Variants in KAT2B observed in about 807,000 individuals in gnomAD.
The protein encoded by KAT2B is histone acetyltransferase KAT2B.
A neutral mutation model predicts 105.9 loss-of-function variants in KAT2B; 36 were observed. The ratio of observed to expected loss-of-function variants is 0.34; its 90% confidence interval spans 0.26 to 0.45. KAT2B has a LOEUF of 0.45. Ranked by LOEUF, KAT2B falls within the 20% of genes least tolerant of loss-of-function variation. The pLI, the probability that KAT2B is intolerant of heterozygous loss-of-function variation, is 1.00. For synonymous variants in KAT2B, 397 were observed against 377.9 expected (o/e 1.05, Z -0.59); for missense variants, 820 against 1,021.6 (o/e 0.80, Z 2.69).
intron 5 of KAT2B, among the ~76,000 whole-genome samples, chr3:20,110,205 GC>G (rs1333387170): frequency 5.3e-5 from 8 of 152,138 alleles, no homozygotes; most frequent in Non-Finnish European, 1.2e-4. Context: ...TTTTTGGAAG[GC>G]AGTCCTTTCC....
At chr3:20,057,799 A>G (rs753874278) in intron 1 of KAT2B, among the ~76,000 whole-genome samples, 4 of 152,170 alleles carry the variant, frequency 2.6e-5, no homozygotes, top group Non-Finnish European at 5.9e-5. Context: ...CTATTTGGTA[A>G]CAACTGGAGC....
intron 2 of KAT2B, among the ~76,000 whole-genome samples, chr3:20,080,049 C>T (rs1698492617): frequency 6.6e-6 from 1 of 152,128 alleles, no homozygotes; most frequent in African/African-American, 2.4e-5. Flanking sequence ...CTCATTATTC[C>T]TTGCCTGTGT....
chr3:20,096,048 G>C (rs1475983532), intron 3 of KAT2B, among the ~76,000 whole-genome samples: 3 of 152,178 alleles, frequency 2.0e-5, no homozygotes, highest in Non-Finnish European at 4.4e-5. Context: ...CGTGCACTAA[G>C]AGAGCTTGAA....
At chr3:20,131,089 C>G (rs762573361) in intron 11 of KAT2B, among the ~76,000 whole-genome samples, 9 of 145,980 alleles carry the variant, frequency 6.2e-5, no homozygotes, top group Non-Finnish European at 1.0e-4. Flanking sequence ...GATCTCGGCT[C>G]ACTGCAAACT....
chr3:20,081,192 T>C (rs1214570339), intron 2 of KAT2B, among the ~76,000 whole-genome samples: 1 of 152,238 alleles, frequency 6.6e-6, no homozygotes, highest in Non-Finnish European at 1.5e-5. Flanking sequence ...TATTGTGTTA[T>C]TTGCTTCTGG....
chr3:20,056,431 T>C (rs1202594588), intron 1 of KAT2B, among the ~76,000 whole-genome samples: 1 of 152,216 alleles, frequency 6.6e-6, no homozygotes, highest in Non-Finnish European at 1.5e-5. Context: ...TTGGAGGTGA[T>C]ACATTAGATA....
chr3:20,050,840 G>A (rs1311851111), intron 1 of KAT2B, among the ~76,000 whole-genome samples: 1 of 151,700 alleles, frequency 6.6e-6, no homozygotes, highest in Non-Finnish European at 1.5e-5. Flanking sequence ...CTAAGCTTTT[G>A]AAAGAAAGGA....
chr3:20,093,907 A>G (rs1318650218), intron 2 of KAT2B, among the ~76,000 whole-genome samples: 2 of 152,118 alleles, frequency 1.3e-5, no homozygotes, highest in South Asian at 2.1e-4. Flanking sequence ...TGATTATTAG[A>G]TGGTTTATCT....
chr3:20,089,123 A>G (rs1026561860), intron 2 of KAT2B, among the ~76,000 whole-genome samples: 2 of 152,068 alleles, frequency 1.3e-5, no homozygotes, highest in Non-Finnish European at 2.9e-5. Context: ...GTTTTGATTG[A>G]GATAGCTTTG....
chr3:20,102,688 A>G (rs1468865653), intron 5 of KAT2B, among the ~76,000 whole-genome samples: 1 of 152,256 alleles, frequency 6.6e-6, no homozygotes, highest in Non-Finnish European at 1.5e-5. Flanking sequence ...ACCATACAAA[A>G]TATAAGGACC....
intron 13 of KAT2B, 41 bp from the exon 14 acceptor site, chr3:20,146,275 G>A (rs1164490165): frequency 1.4e-5 from 16 of 1,152,404 alleles, no homozygotes; most frequent in Non-Finnish European, 2.1e-5. Flanking sequence ...TGTATCCATA[G>A]ACTTCTTTCC....
chr3:20,053,326 A>G (rs1697947727), intron 1 of KAT2B, among the ~76,000 whole-genome samples: 2 of 152,044 alleles, frequency 1.3e-5, no homozygotes, highest in Admixed American at 6.6e-5. Flanking sequence ...GCTTGAGCTC[A>G]AGGGTTTGAG....
intron 1 of KAT2B, among the ~76,000 whole-genome samples, chr3:20,049,553 C>T (rs1697878081): frequency 6.6e-6 from 1 of 152,172 alleles, no homozygotes; most frequent in South Asian, 2.1e-4. Context: ...AAAACTTTCG[C>T]ATGGGGTAGA....
intron 2 of KAT2B, among the ~76,000 whole-genome samples, chr3:20,084,386 C>A (rs1176385078): frequency 6.6e-6 from 1 of 152,148 alleles, no homozygotes; most frequent in Admixed American, 6.5e-5. Context: ...TTATTTCATT[C>A]TCAGAGTAAG....
Position 20,152,416 on chromosome 3 carries a change from C to A in KAT2B, c.2390C>A (p.Thr797Asn). The A allele has an allele frequency of 6.2e-7, 1 of 1,613,228 alleles. No individual in the cohort carries two copies. The highest frequency in any genetic ancestry group is 8.5e-7 in the Non-Finnish European group (1 of 1,179,386). The part of the protein sequence containing the change: ...LFMADLQRVF[T>N]NCKEYNPPES... ...ATGGCAGACTTACAGCGAGTCTTTA[C>A]CAATTGCAAAGAGTACAACCCCCCT... Residue 797 changes from threonine to asparagine, a missense_variant, in exon 18 of 18, where the codon ACC (threonine) becomes AAC (asparagine). Physicochemically the swap from Thr to Asn is moderately conservative, Grantham distance 65 (BLOSUM62 0). Coordinates refer to ENST00000263754, the MANE Select transcript of KAT2B (RefSeq NM_003884.5).
chr3:20,111,917 A>AC, intron 6 of KAT2B, 130 bp downstream of exon 6: 1 of 708,594 alleles, frequency 1.4e-6, no homozygotes, highest in Non-Finnish European at 2.3e-6. Flanking sequence ...GGGAGAAAAG[A>AC]CCCTCAGTTC....
At chr3:20,111,003 C>T (rs968604029) in intron 5 of KAT2B, among the ~76,000 whole-genome samples, 4 of 152,138 alleles carry the variant, frequency 2.6e-5, no homozygotes, top group African/African-American at 9.7e-5. Flanking sequence ...TCATTATCTT[C>T]CCACCAAACC....
intron 10 of KAT2B, among the ~76,000 whole-genome samples, chr3:20,126,629 C>T (rs1303802543): frequency 1.3e-5 from 2 of 151,614 alleles, no homozygotes; most frequent in Non-Finnish European, 2.9e-5. Flanking sequence ...TTGTGACCAG[C>T]CTGACCAACA....
In KAT2B at chr3:20,146,298, C is replaced by T. The variant is rs766266744; in HGVS notation, c.2005-18C>T. The T allele has an allele frequency of 3.5e-6, 5 of 1,409,204 alleles. No homozygotes were observed. The highest frequency in any genetic ancestry group is 4.6e-5 in the East Asian group (2 of 43,884). The allele number at this position is 1,409,204 out of a possible 1,614,324, so 87.3% of individuals were successfully genotyped here. On this transcript the variant is annotated intron_variant, in intron 13 of 17. Transcript: ENST00000263754. ...TAGACTTCTTTCCCTAAACACATTT[C>T]CTTCCTGTGCTTTACAGATAATTAA...
Sources: allele counts gnomAD v4.1 joint callset (sites outside exome capture counted in the v4.1 genomes callset), GRCh38; gene constraint gnomAD v4.1.1; transcripts MANE v1.5; gene names NCBI Gene and HGNC (gene_info 2026-07-23, HGNC 2026-07-21).